ACYP2: variants seen among roughly 807,000 people sequenced by gnomAD.
ACYP2 encodes the protein acylphosphatase 2, also known as acylphosphatase-2.
A neutral mutation model predicts 11.2 loss-of-function variants in ACYP2; 12 were observed. The ratio of observed to expected loss-of-function variants is 1.08; its 90% CI spans 0.69 to 1.74. The LOEUF (loss-of-function observed/expected upper bound fraction) is 1.74. ACYP2 is among the 40% of genes most tolerant of loss of function. The pLI, the probability that ACYP2 is intolerant of heterozygous loss-of-function variation, is 0.00. For missense variants in ACYP2, 134 were observed against 101.9 expected (o/e 1.31, Z -1.35); for synonymous variants, 43 against 32.2 (o/e 1.33, Z -1.13).
chr2:54,011,254 C>T (rs1205749322), intron 2 of ACYP2, among the ~76,000 whole-genome samples: 1 of 152,066 alleles, frequency 6.6e-6, no homozygotes, highest in Non-Finnish European at 1.5e-5. Flanking sequence ...GTCCCGGGAG[C>T]TCCTTTTCTG....
At chr2:54,046,276 C>T (rs1174822429) in intron 2 of ACYP2, among the ~76,000 whole-genome samples, 3 of 150,330 alleles carry the variant, frequency 2.0e-5, no homozygotes, top group East Asian at 2.0e-4. Flanking sequence ...GTCAGGAGTT[C>T]GAGACCAGCC....
At chr2:54,207,544 A>G (rs967310364) in intron 6 of ACYP2, among the ~76,000 whole-genome samples, 1 of 152,208 alleles carries the variant, frequency 6.6e-6, no homozygotes, top group Non-Finnish European at 1.5e-5. Flanking sequence ...TTGACCAAAC[A>G]ATTAAGCACC....
At chr2:54,298,321 A>C (rs942307298) in intron 6 of ACYP2, among the ~76,000 whole-genome samples, 5 of 143,994 alleles carry the variant, frequency 3.5e-5, no homozygotes, top group Non-Finnish European at 6.0e-5. Flanking sequence ...AGGCAATCAC[A>C]TAATTCCAGA....
chr2:54,208,779 G>A (rs1400496192), intron 6 of ACYP2, among the ~76,000 whole-genome samples: 2 of 151,928 alleles, frequency 1.3e-5, no homozygotes, highest in African/African-American at 2.4e-5. Flanking sequence ...TATGCATACA[G>A]TATTACATAA....
chr2:54,254,922 A>G lies in ACYP2; in HGVS notation c.405-49766A>G, dbSNP rs1687419732. ...GGAGTAATTCCAAAGGCAAAGGTTA[A>G]CCACACTGGAACCCAAAGGGCCTGG... On this transcript the variant is annotated intron_variant, in intron 6 of 6. Coordinates refer to ENST00000607452, the MANE Select transcript of ACYP2 (RefSeq NM_001320586.2). The G allele has an allele frequency of 1.9e-6, 3 of 1,608,630 alleles. No individual in the cohort carries two copies. In the African/African-American group the frequency reaches 4.0e-5, roughly 22 times the overall value.
chr2:54,292,673 C>T (rs1225711097), intron 6 of ACYP2, among the ~76,000 whole-genome samples: 1 of 862 alleles, frequency 1.2e-3, no homozygotes, highest in Non-Finnish European at 2.8e-3. Flanking sequence ...TATGTATACA[C>T]ACACACACAC....
At chr2:53,973,969 C>A (rs1019713157) in intron 2 of ACYP2, among the ~76,000 whole-genome samples, 1 of 140,496 alleles carries the variant, frequency 7.1e-6, no homozygotes, top group East Asian at 2.2e-4. Flanking sequence ...TGCAATGGAT[C>A]CATCTCGGCT....
chr2:54,265,351 G>A (rs1355802523), intron 6 of ACYP2, among the ~76,000 whole-genome samples: 1 of 152,116 alleles, frequency 6.6e-6, no homozygotes, highest in Admixed American at 6.5e-5. Flanking sequence ...CAGATCTTAT[G>A]AGACTTATTC....
rs149462606 is a variant in ACYP2 at position 54,010,376 on chromosome 2, C to T, written c.62+36566C>T. 2.1e-3 allele frequency among the ~76,000 whole-genome samples: 317 copies of T among 151,906 alleles called. 2 individuals are homozygous for T. Among genetic ancestry groups the T allele is most frequent in the African/African-American group, 7.3e-3 (304 of 41,420 alleles). ...GTGGGCACCTGTAATCCCAGCTACTCGGGAGGCCGAGATAGGAGAATTGCT... is the reference window on the plus strand; with the variant it reads ...GTGGGCACCTGTAATCCCAGCTACTTGGGAGGCCGAGATAGGAGAATTGCT... On this transcript the variant is annotated intron_variant, in intron 2 of 6. Coordinates refer to ENST00000607452, the MANE Select transcript of ACYP2 (RefSeq NM_001320586.2).
intron 6 of ACYP2, among the ~76,000 whole-genome samples, chr2:54,258,769 ATC>A (rs1010549128): frequency 1.3e-5 from 2 of 152,100 alleles, no homozygotes; most frequent in African/African-American, 2.4e-5. Context: ...TGGCTATGGG[ATC>A]TCTTAGTTCA....
chr2:54,129,031 A>C (rs924887371), intron 4 of ACYP2, among the ~76,000 whole-genome samples: 4 of 152,158 alleles, frequency 2.6e-5, no homozygotes, highest in African/African-American at 9.7e-5. Flanking sequence ...TTAAGTCCAC[A>C]AATCCAGCCC....
chr2:54,112,733 T>G (rs1358575284), intron 4 of ACYP2, among the ~76,000 whole-genome samples: 1 of 152,310 alleles, frequency 6.6e-6, no homozygotes, highest in East Asian at 1.9e-4. Context: ...ATTAGAAACA[T>G]TTGCGTACAT....
intron 2 of ACYP2, among the ~76,000 whole-genome samples, chr2:54,034,211 A>G (rs1426777500): frequency 6.6e-6 from 1 of 152,092 alleles, no homozygotes. Flanking sequence ...TACAAAAATT[A>G]GCCAGGCATG....
chr2:54,029,522 G>T, intron 2 of ACYP2: 1 of 392,202 alleles, frequency 2.5e-6, no homozygotes, highest in South Asian at 2.2e-5. Context: ...AGCAACTCAG[G>T]CTCCTTCCCA....
At chr2:54,182,246 GAC>G in intron 6 of ACYP2, among the ~76,000 whole-genome samples, 1 of 151,794 alleles carries the variant, frequency 6.6e-6, no homozygotes, top group South Asian at 2.1e-4. Context: ...TTTTAGTAGA[GAC>G]AGAGTTTCGT....
At chr2:54,136,787 C>G (rs1421796820) in intron 5 of ACYP2, among the ~76,000 whole-genome samples, 1 of 152,062 alleles carries the variant, frequency 6.6e-6, no homozygotes, top group Non-Finnish European at 1.5e-5. Flanking sequence ...ACCAGCCTGG[C>G]CATCATAGTG....
At chr2:54,157,126 AT>A (rs1385239478) in intron 6 of ACYP2, among the ~76,000 whole-genome samples, 30 of 152,184 alleles carry the variant, frequency 2.0e-4, no homozygotes, top group African/African-American at 7.2e-4. Flanking sequence ...AATGATGTGG[AT>A]TTATGTGGAG....
At chr2:54,251,137 T>C (rs962609012) in intron 6 of ACYP2, among the ~76,000 whole-genome samples, 2 of 152,204 alleles carry the variant, frequency 1.3e-5, no homozygotes, top group African/African-American at 4.8e-5. Context: ...TAAAGGTCAG[T>C]TGACAAAATG....
chr2:54,037,824 A>G (rs887284825), intron 2 of ACYP2, among the ~76,000 whole-genome samples: 9 of 152,242 alleles, frequency 5.9e-5, no homozygotes, highest in Non-Finnish European at 1.2e-4. Context: ...GTGGTTATCA[A>G]TGGTCATATC....
Sources: gnomAD v4.1 joint callset for allele counts (sites outside exome capture counted in the v4.1 genomes callset) on GRCh38, gnomAD v4.1.1 for gene constraint, MANE v1.5 for transcripts, NCBI Gene and HGNC (gene_info 2026-07-23, HGNC 2026-07-21) for gene names.